The following CYYR1 variants were observed in gnomAD, a reference collection of about 807,000 sequenced individuals.
CYYR1 encodes cysteine and tyrosine rich 1, also known as cysteine and tyrosine-rich protein 1.
CYYR1 carries 14 observed loss-of-function variants against 15.2 expected under a neutral mutation model. The observed-to-expected ratio is 0.92, with a 90% CI of 0.61 to 1.44. The LOEUF is 1.44. CYYR1 is among the 40% of genes most tolerant of loss of function. CYYR1 has a pLI of 0.00. For missense variants in CYYR1, 228 were observed against 209.5 expected (o/e 1.09, Z -0.54); for synonymous variants, 80 against 77.4 (o/e 1.03, Z -0.18).
rs189709004 is a variant in CYYR1 at position 26,557,700 on chromosome 21, T to C, written c.176+8566A>G. Reference sequence around the variant, plus strand: ...AAAATCTCATTCATTCCCACACACCTTTCAACCCCAGCATCTCCAGGCTTT... The same window carrying C: ...AAAATCTCATTCATTCCCACACACCCTTCAACCCCAGCATCTCCAGGCTTT... On this transcript the variant is annotated intron_variant, in intron 2 of 3. Coordinates refer to ENST00000652641, the MANE Select transcript of CYYR1 (RefSeq NM_001320768.2). Among the ~76,000 whole-genome samples, 778 of 152,264 alleles carry C rather than the reference T, an allele frequency of 5.1e-3. 1 individual carries two copies. The highest frequency in any genetic ancestry group is 8.9e-3 in the Non-Finnish European group (602 of 68,012).
intron 3 of CYYR1, among the ~76,000 whole-genome samples, chr21:26,479,851 G>A (rs768638616): frequency 4.6e-5 from 7 of 151,938 alleles, no homozygotes; most frequent in Admixed American, 1.3e-4. Context: ...CTGTTCTCTC[G>A]ACCTAATGAA....
chr21:26,516,066 G>A (rs1277745028), intron 2 of CYYR1, among the ~76,000 whole-genome samples: 1 of 152,204 alleles, frequency 6.6e-6, no homozygotes, highest in Non-Finnish European at 1.5e-5. Flanking sequence ...CCAATGTTGA[G>A]TACCTGAGTC....
intron 2 of CYYR1, among the ~76,000 whole-genome samples, chr21:26,522,545 T>G (rs1004391788): frequency 6.6e-6 from 1 of 152,236 alleles, no homozygotes; most frequent in African/African-American, 2.4e-5. Flanking sequence ...TTTCACATCT[T>G]ACATTTCCAG....
At chr21:26,521,498 A>G (rs1421930806) in intron 2 of CYYR1, among the ~76,000 whole-genome samples, 2 of 152,244 alleles carry the variant, frequency 1.3e-5, no homozygotes, top group Non-Finnish European at 2.9e-5. Context: ...ACAAATTCCC[A>G]TAAGAAACAT....
intron 2 of CYYR1, among the ~76,000 whole-genome samples, chr21:26,484,901 T>C (rs1569142550): frequency 6.6e-6 from 1 of 152,126 alleles, no homozygotes; most frequent in Admixed American, 6.6e-5. Context: ...GATTAAATCA[T>C]GAAGTTGGTG....
intron 2 of CYYR1, among the ~76,000 whole-genome samples, chr21:26,499,836 G>GTT (rs201220917): frequency 2.2e-4 from 31 of 137,954 alleles, no homozygotes; most frequent in African/African-American, 5.6e-4. Context: ...ACACATTTTT[G>GTT]TTTTTTTTTT....
chr21:26,524,746 AAGAATAAACTGCCATG>A (rs1288833458), intron 2 of CYYR1, among the ~76,000 whole-genome samples: 1 of 152,232 alleles, frequency 6.6e-6, no homozygotes, highest in Non-Finnish European at 1.5e-5. Flanking sequence ...ACCCATTATC[AAGAATAAACTGCCATG>A]AGCATTTTGT....
rs775048351 is a variant in CYYR1, at chr21:26,468,606, G to A, written c.363C>T (p.His121=). ...PAGPPPYGHD[H]EMEYCADLPP... Reference sequence around the variant, plus strand: ...GCAAGTCTGCACAGTATTCCATCTCGTGGTCGTGACCGTAGGGTGGTGGTC... The same window carrying A: ...GCAAGTCTGCACAGTATTCCATCTCATGGTCGTGACCGTAGGGTGGTGGTC... The change falls in exon 4 of 4, where the codon CAC becomes CAT. Residue 121 remains histidine (H), a synonymous_variant. Transcript: ENST00000652641. 3.0e-5 allele frequency: 49 copies of A among 1,612,278 alleles called. No homozygotes were observed. The highest frequency in any genetic ancestry group is 3.6e-5 in the Non-Finnish European group (42 of 1,179,076).
chr21:26,500,717 T>G (rs958877230), intron 2 of CYYR1, among the ~76,000 whole-genome samples: 3 of 152,080 alleles, frequency 2.0e-5, no homozygotes, highest in Non-Finnish European at 4.4e-5. Context: ...GACAGAGCAA[T>G]TGGCCACACC....
intron 2 of CYYR1, among the ~76,000 whole-genome samples, chr21:26,543,487 T>C (rs1031899936): frequency 3.9e-5 from 6 of 152,216 alleles, no homozygotes; most frequent in Non-Finnish European, 7.3e-5. Context: ...GGCACCCACA[T>C]GTCAGGGGCC....
At chr21:26,485,242 C>G (rs964606146) in intron 2 of CYYR1, among the ~76,000 whole-genome samples, 95 of 152,002 alleles carry the variant, frequency 6.2e-4, no homozygotes, top group African/African-American at 2.2e-3. Flanking sequence ...AAAAAGAGTA[C>G]AGAGAGAGCT....
rs2065165900 is a variant in CYYR1 at position 26,480,581 on chromosome 21, C to T, written c.177-152G>A. ...TTTTCTTTTCTTTTTTTTTTTAAAA[C>T]CCATAAGTTCCCTGAATTGATAAAG... On this transcript the variant is annotated intron_variant, in intron 2 of 3. Transcript: ENST00000652641. 18 of 713,836 alleles carry T rather than the reference C, an allele frequency of 2.5e-5. No individual in the cohort carries two copies. The East Asian group carries it at 5.4e-4, about 21-fold the overall frequency. The allele number at this position is 713,836 out of a possible 1,614,324, so 44.2% of individuals were successfully genotyped here.
intron 2 of CYYR1, among the ~76,000 whole-genome samples, chr21:26,530,436 G>A (rs1601797417): frequency 1.3e-5 from 2 of 151,646 alleles, no homozygotes; most frequent in Non-Finnish European, 1.5e-5. Flanking sequence ...TAAAATGTGA[G>A]TTTATTGGGC....
At chr21:26,553,102 G>C (rs563563486) in intron 2 of CYYR1, among the ~76,000 whole-genome samples, 1 of 151,702 alleles carries the variant, frequency 6.6e-6, no homozygotes, top group South Asian at 2.1e-4. Flanking sequence ...CTCTATTCTT[G>C]GAGAATATTT....
chr21:26,520,111 GAGATATATATATATAT>G lies in CYYR1; in HGVS notation c.177-39698_177-39683del, dbSNP rs200213839. Among the ~76,000 whole-genome samples, 202 of 83,150 alleles carry G rather than the reference GAGATATATATATATAT, an allele frequency of 2.4e-3. 12 individuals are homozygous for G. The highest frequency in any genetic ancestry group is 8.1e-3 in the East Asian group (31 of 3,834). 54.5% of individuals were successfully genotyped at this position (83,150 alleles called of 152,430 possible). ...TTTCTTCTTCTAAAAAAAAACCCAG[GAGATATATATATATAT>G]ATATATATATATATGCAGAAAGTGC... On this transcript the variant is annotated intron_variant, in intron 2 of 3. Coordinates refer to ENST00000652641, the MANE Select transcript of CYYR1 (RefSeq NM_001320768.2).
intron 1 of CYYR1, chr21:26,568,897 A>C (rs1409839916): frequency 6.6e-6 from 1 of 152,176 alleles, no homozygotes; most frequent in Non-Finnish European, 1.5e-5. Flanking sequence ...ATGCAAATCA[A>C]AACAGAGGGC....
intron 2 of CYYR1, among the ~76,000 whole-genome samples, chr21:26,561,090 T>C (rs1980163911): frequency 1.3e-5 from 2 of 152,182 alleles, no homozygotes. Flanking sequence ...AGAATGCAAA[T>C]ATACATTTGA....
chr21:26,502,994 T>G (rs2123482697), intron 2 of CYYR1, among the ~76,000 whole-genome samples: 1 of 152,332 alleles, frequency 6.6e-6, no homozygotes, highest in African/African-American at 2.4e-5. Context: ...GTCTCTGTTT[T>G]ATACTTGATT....
chr21:26,546,433 G>A (rs528348995), intron 2 of CYYR1, among the ~76,000 whole-genome samples: 1 of 152,320 alleles, frequency 6.6e-6, no homozygotes, highest in South Asian at 2.1e-4. Flanking sequence ...CTAGGCATCA[G>A]AATACTGAAT....
Sources: allele counts gnomAD v4.1 joint callset (sites outside exome capture counted in the v4.1 genomes callset), GRCh38; gene constraint gnomAD v4.1.1; transcripts MANE v1.5; gene names NCBI Gene and HGNC (gene_info 2026-07-23, HGNC 2026-07-21).